The following IMMP2L variants were observed in gnomAD, a reference collection of about 807,000 sequenced individuals.
IMMP2L encodes the protein mitochondrial inner membrane protease subunit 2.
In IMMP2L, 18 loss-of-function variants were observed where a neutral mutation model predicts 19.3. The ratio of observed to expected loss-of-function variants is 0.93; its 90% CI spans 0.64 to 1.38. The LOEUF (loss-of-function observed/expected upper bound fraction) is 1.38, where lower values mean the gene tolerates loss of function less well. Ranked by LOEUF, IMMP2L falls within the 40% of genes most tolerant of loss-of-function variation. The probability of loss-of-function intolerance (pLI) is 0.00; values close to 1 mark genes in which losing one functional copy is unlikely to be tolerated. For missense variants in IMMP2L, 233 were observed against 218.2 expected, an observed-to-expected ratio of 1.07 and a Z score of -0.43; for synonymous variants, 76 against 73.0, an observed-to-expected ratio of 1.04 and a Z score of -0.21.
chr7:110,732,914 C>T (rs975399372), intron 5 of IMMP2L, among the ~76,000 whole-genome samples: 1 of 151,842 alleles, frequency 6.6e-6, no homozygotes, highest in African/African-American at 2.4e-5. Context: ...GCTTCCCAAA[C>T]AGCTAGGACT....
intron 4 of IMMP2L, among the ~76,000 whole-genome samples, chr7:110,904,384 G>T (rs961772662): frequency 6.6e-6 from 1 of 151,976 alleles, no homozygotes; most frequent in Non-Finnish European, 1.5e-5. Flanking sequence ...TACTGTTTTG[G>T]GTTTTACATT....
intron 3 of IMMP2L, among the ~76,000 whole-genome samples, chr7:111,370,455 T>C (rs1830165617): frequency 6.6e-6 from 1 of 151,990 alleles, no homozygotes; most frequent in African/African-American, 2.4e-5. Flanking sequence ...AATCTCTGTT[T>C]TCAGGGAGAT....
chr7:111,121,014 A>G (rs998829985), intron 3 of IMMP2L, among the ~76,000 whole-genome samples: 4 of 152,128 alleles, frequency 2.6e-5, no homozygotes, highest in Non-Finnish European at 5.9e-5. Context: ...TTTCAAAGCT[A>G]ATGAAAATAT....
At chr7:110,935,206 T>G (rs959955801) in intron 4 of IMMP2L, among the ~76,000 whole-genome samples, 1 of 152,176 alleles carries the variant, frequency 6.6e-6, no homozygotes, top group Non-Finnish European at 1.5e-5. Context: ...TGACAAAATC[T>G]CTCATCATTT....
Position 110,730,357 on chromosome 7 carries a change from T to TA in IMMP2L, c.409-66637_409-66636insT, listed in dbSNP as rs1257937868. On this transcript the variant is annotated intron_variant, in intron 5 of 5. Coordinates refer to ENST00000405709, the MANE Select transcript of IMMP2L (RefSeq NM_032549.4). ...GCCTTCATCTTCCTCCCGTGGTGGA[T>TA]GTTTCCTGCCCTCGAACATCAGACT... 3.9e-5 allele frequency among the ~76,000 whole-genome samples: 6 copies of TA among 152,186 alleles called. No individual in the cohort carries two copies. The South Asian group carries it at 8.3e-4, about 21-fold the overall frequency.
chr7:111,185,566 T>C (rs1364078420), intron 3 of IMMP2L, among the ~76,000 whole-genome samples: 2 of 152,112 alleles, frequency 1.3e-5, no homozygotes, highest in Non-Finnish European at 2.9e-5. Context: ...ACCACAAAAA[T>C]ATATTATGTA....
intron 1 of IMMP2L, among the ~76,000 whole-genome samples, chr7:111,554,250 A>C (rs1683927848): frequency 6.6e-6 from 1 of 152,178 alleles, no homozygotes; most frequent in African/African-American, 2.4e-5. Context: ...TGGTAAATTC[A>C]CAGAAAGTTT....
In IMMP2L at chr7:111,423,740, T is replaced by A. The variant is rs1258061848; in HGVS notation, c.239+63498A>T. 1.3e-5 allele frequency among the ~76,000 whole-genome samples: 2 copies of A among 151,464 alleles called. 1 individual carries two copies. The highest frequency in any genetic ancestry group is 3.9e-4 in the East Asian group (2 of 5,166). Reference sequence around the variant, plus strand: ...TAAAATCGACACTCTAACATCACAATTAAAAGAACTAGAGAAGCAAAAGCA... The same window carrying A: ...TAAAATCGACACTCTAACATCACAAATAAAAGAACTAGAGAAGCAAAAGCA... On this transcript the variant is annotated intron_variant, in intron 3 of 5. Coordinates refer to ENST00000405709, the MANE Select transcript of IMMP2L (RefSeq NM_032549.4).
At chr7:111,108,622 T>A (rs1416196631) in intron 3 of IMMP2L, among the ~76,000 whole-genome samples, 2 of 152,188 alleles carry the variant, frequency 1.3e-5, no homozygotes, top group Non-Finnish European at 2.9e-5. Context: ...TGATTCTTTT[T>A]AAACAATCAC....
intron 3 of IMMP2L, among the ~76,000 whole-genome samples, chr7:111,318,067 T>C (rs1482286304): frequency 3.9e-5 from 6 of 152,280 alleles, no homozygotes; most frequent in Non-Finnish European, 5.9e-5. Flanking sequence ...ATCCTTATAA[T>C]GTTATATTTA....
intron 3 of IMMP2L, among the ~76,000 whole-genome samples, chr7:111,127,355 T>C (rs186446987): frequency 1.3e-5 from 2 of 152,342 alleles, no homozygotes; most frequent in Admixed American, 6.5e-5. Context: ...GAAACCTATC[T>C]GCCTGAAGAA....
At chr7:111,021,916 C>T (rs113690548) in intron 3 of IMMP2L, among the ~76,000 whole-genome samples, 7 of 152,124 alleles carry the variant, frequency 4.6e-5, no homozygotes, top group South Asian at 2.1e-4. Flanking sequence ...ACAAAGCATC[C>T]GATCTCCTGA....
At chr7:110,795,739 C>T (rs536832178) in intron 5 of IMMP2L, among the ~76,000 whole-genome samples, 91 of 152,200 alleles carry the variant, frequency 6.0e-4, no homozygotes, top group Admixed American at 9.8e-4. Flanking sequence ...AGATTTTTGT[C>T]ATACATCTGG....
chr7:111,227,813 A>G (rs553435356), intron 3 of IMMP2L, among the ~76,000 whole-genome samples: 5 of 152,266 alleles, frequency 3.3e-5, no homozygotes, highest in African/African-American at 7.2e-5. Context: ...TCTGGCATCT[A>G]CAAAAAATAT....
chr7:111,370,356 T>C (rs1282632568), intron 3 of IMMP2L, among the ~76,000 whole-genome samples: 1 of 152,056 alleles, frequency 6.6e-6, no homozygotes, highest in African/African-American at 2.4e-5. Context: ...TGATATTGAA[T>C]GTGTTCATTT....
At chr7:110,706,405 T>TGG (rs1562929230) in intron 5 of IMMP2L, among the ~76,000 whole-genome samples, 2 of 152,196 alleles carry the variant, frequency 1.3e-5, no homozygotes, top group Admixed American at 6.5e-5. Context: ...TGTCCAGCAG[T>TGG]AGTTCTAAGT....
intron 5 of IMMP2L, among the ~76,000 whole-genome samples, chr7:110,747,603 T>C (rs1189809392): frequency 4.6e-5 from 7 of 152,110 alleles, no homozygotes; most frequent in Admixed American, 2.0e-4. Flanking sequence ...CATATGCAAA[T>C]CAATAAACGT....
chr7:111,260,016 C>G (rs1312663413), intron 3 of IMMP2L, among the ~76,000 whole-genome samples: 1 of 152,050 alleles, frequency 6.6e-6, no homozygotes, highest in Non-Finnish European at 1.5e-5. Context: ...ATAACAAAGC[C>G]TTCTTCTGGA....
intron 3 of IMMP2L, among the ~76,000 whole-genome samples, chr7:111,077,447 T>A (rs892886083): frequency 2.0e-5 from 3 of 152,250 alleles, no homozygotes; most frequent in African/African-American, 7.2e-5. Flanking sequence ...TCTACTATGA[T>A]GTAGAAGTCT....
Sources: gnomAD v4.1 joint callset for allele counts (sites outside exome capture counted in the v4.1 genomes callset) on GRCh38, gnomAD v4.1.1 for gene constraint, MANE v1.5 for transcripts, NCBI Gene and HGNC (gene_info 2026-07-23, HGNC 2026-07-21) for gene names.